ADAMTS12: variants seen among roughly 807,000 people sequenced by gnomAD.
The protein encoded by ADAMTS12 is ADAM metallopeptidase with thrombospondin type 1 motif 12, also known as A disintegrin and metalloproteinase with thrombospondin motifs 12.
ADAMTS12 carries 118 observed loss-of-function variants against 167.8 expected under a neutral mutation model. The observed-to-expected ratio is 0.70, with a 90% CI of 0.61 to 0.82. ADAMTS12 has a LOEUF of 0.82. Among genes scored for constraint, ADAMTS12 ranks in the 40% least tolerant of loss-of-function variants. ADAMTS12 has a pLI of 0.00. For synonymous variants in ADAMTS12, 704 were observed against 716.9 expected (o/e 0.98, Z 0.29); for missense variants, 1,916 against 1,998.8 (o/e 0.96, Z 0.79).
At chr5:33,669,642 G>C (rs935037029) in intron 5 of ADAMTS12, among the ~76,000 whole-genome samples, 1 of 151,894 alleles carries the variant, frequency 6.6e-6, no homozygotes, top group Non-Finnish European at 1.5e-5. Flanking sequence ...TTGAAGGCCA[G>C]AAGGTGTAGT....
intron 5 of ADAMTS12, among the ~76,000 whole-genome samples, chr5:33,667,317 CAAAA>C (rs5867201): frequency 5.1e-5 from 4 of 78,362 alleles, no homozygotes; most frequent in Non-Finnish European, 2.4e-5. Context: ...GACTCTGTCT[CAAAA>C]AAAAAAAAAA....
intron 19 of ADAMTS12, among the ~76,000 whole-genome samples, chr5:33,570,494 C>A (rs1305516830): frequency 6.6e-6 from 1 of 151,970 alleles, no homozygotes; most frequent in Non-Finnish European, 1.5e-5. Flanking sequence ...TCCAGCCAAA[C>A]TAAGCTTCAT....
At chr5:33,826,589 T>TAC (rs1480602268) in intron 2 of ADAMTS12, among the ~76,000 whole-genome samples, 8 of 30,028 alleles carry the variant, frequency 2.7e-4, no homozygotes, top group African/African-American at 6.6e-4. Flanking sequence ...TGTGTGTGTA[T>TAC]ATATATATAT....
rs185933088 is a variant in ADAMTS12, at chr5:33,831,625, C to T, written c.489+49494G>A. The stretch of plus-strand genomic sequence containing the variant: ...CCTCCTTCTAGATGATTCATTACTC[C>T]CCAAATCACATGATTGTAACAAGCT... On this transcript the variant is annotated intron_variant, in intron 2 of 23. Transcript: ENST00000504830. Among the ~76,000 whole-genome samples, 28 of 152,320 alleles carry T rather than the reference C, an allele frequency of 1.8e-4. No individual in the cohort carries two copies. The East Asian group carries it at 4.8e-3, about 26-fold the overall frequency.
intron 16 of ADAMTS12, among the ~76,000 whole-genome samples, chr5:33,605,765 T>C (rs1027307917): frequency 1.3e-5 from 2 of 151,212 alleles, no homozygotes; most frequent in Non-Finnish European, 2.9e-5. Flanking sequence ...AATAATTTTC[T>C]GGCACTGCTT....
At position 33,527,080 on chromosome 5, in the gene ADAMTS12, GA is replaced by G; in HGVS notation, c.*107del. 2 of 1,397,490 alleles carry G rather than the reference GA, an allele frequency of 1.4e-6. No homozygotes were observed. Among genetic ancestry groups the G allele is most frequent in the Non-Finnish European group, 2.0e-6 (2 of 1,017,454 alleles). The allele number at this position is 1,397,490 out of a possible 1,614,324, so 86.6% of individuals were successfully genotyped here. ...TTTTGTTTCATCATGACCCAAAGCT[GA>G]ATCTGAAATATATGAAGCAAAACCT... On this transcript the variant is annotated 3_prime_UTR_variant, in exon 24 of 24. Coordinates refer to ENST00000504830, the MANE Select transcript of ADAMTS12 (RefSeq NM_030955.4).
chr5:33,600,908 C>T lies in ADAMTS12; in HGVS notation c.2528-4848G>A, dbSNP rs180701858. ...GAAGTGTAGGAATTGTTTATCCGTC[C>T]GTCTCTCTTGTCAATGAGTCCATTC... On this transcript the variant is annotated intron_variant, in intron 16 of 23. Transcript: ENST00000504830. Among the ~76,000 whole-genome samples, 46 of 152,186 alleles carry T rather than the reference C, an allele frequency of 3.0e-4. 1 individual carries two copies. Among genetic ancestry groups the T allele is most frequent in the Admixed American group, 2.9e-3 (44 of 15,268 alleles).
In ADAMTS12 at chr5:33,890,627, G is replaced by A. The variant is rs376424775; in HGVS notation, c.127+1103C>T. On this transcript the variant is annotated intron_variant, in intron 1 of 23. Coordinates refer to ENST00000504830, the MANE Select transcript of ADAMTS12 (RefSeq NM_030955.4). Reference sequence around the variant, plus strand: ...CAGAAAGTCATGGAGGACACTTCCCGAGGCTTCAGCACAGTCAGCAAACAC... The same window carrying A: ...CAGAAAGTCATGGAGGACACTTCCCAAGGCTTCAGCACAGTCAGCAAACAC... Among the ~76,000 whole-genome samples the A allele has an allele frequency of 4.6e-5, 7 of 152,288 alleles. 1 individual carries two copies. Among genetic ancestry groups the A allele is most frequent in the African/African-American group, 1.4e-4 (6 of 41,562 alleles).
At chr5:33,705,302 T>TGTGTGCGC (rs1491430613) in intron 3 of ADAMTS12, among the ~76,000 whole-genome samples, 1 of 147,538 alleles carries the variant, frequency 6.8e-6, no homozygotes, top group African/African-American at 2.5e-5. Flanking sequence ...TGTGTGTGTG[T>TGTGTGCGC]GCGTGTATAC....
At chr5:33,544,348 A>G (rs1428359723) in intron 22 of ADAMTS12, among the ~76,000 whole-genome samples, 6 of 152,244 alleles carry the variant, frequency 3.9e-5, no homozygotes, top group Admixed American at 3.9e-4. Context: ...ACCACTGCTC[A>G]ATGAAATAAA....
chr5:33,730,004 C>T (rs1744126105), intron 3 of ADAMTS12, among the ~76,000 whole-genome samples: 1 of 152,138 alleles, frequency 6.6e-6, no homozygotes, highest in African/African-American at 2.4e-5. Flanking sequence ...CATTCTGGAG[C>T]TCCAAAAGTT....
chr5:33,829,155 C>CA (rs1296870104), intron 2 of ADAMTS12, among the ~76,000 whole-genome samples: 1 of 152,082 alleles, frequency 6.6e-6, no homozygotes, highest in Admixed American at 6.6e-5. Context: ...AGGCTACTTG[C>CA]ATGCCAATAA....
intron 2 of ADAMTS12, among the ~76,000 whole-genome samples, chr5:33,786,824 G>A (rs529408309): frequency 1.3e-5 from 2 of 152,290 alleles, no homozygotes; most frequent in African/African-American, 4.8e-5. Flanking sequence ...CCCTGTCAGT[G>A]CCAGACACTA....
At chr5:33,796,039 G>A (rs1746763699) in intron 2 of ADAMTS12, among the ~76,000 whole-genome samples, 1 of 152,198 alleles carries the variant, frequency 6.6e-6, no homozygotes, top group Non-Finnish European at 1.5e-5. Flanking sequence ...AAAGATGTGT[G>A]TGCAACAATG....
chr5:33,554,776 A>G (rs1185759115), intron 20 of ADAMTS12, among the ~76,000 whole-genome samples: 1 of 152,200 alleles, frequency 6.6e-6, no homozygotes, highest in African/African-American at 2.4e-5. Flanking sequence ...GCCATAGACA[A>G]TCTGTAAAAT....
At chr5:33,623,468 C>T (rs979859443) in intron 14 of ADAMTS12, among the ~76,000 whole-genome samples, 7 of 152,212 alleles carry the variant, frequency 4.6e-5, no homozygotes, top group Non-Finnish European at 7.3e-5. Context: ...TTCACCCTTT[C>T]TTAGCTGCCT....
chr5:33,723,361 C>A (rs992888670), intron 3 of ADAMTS12, among the ~76,000 whole-genome samples: 3 of 152,092 alleles, frequency 2.0e-5, no homozygotes, highest in African/African-American at 7.2e-5. Context: ...TCTCTAAGAC[C>A]TCAGTCATCC....
intron 14 of ADAMTS12, 77 bp downstream of exon 14, chr5:33,624,154 A>C: frequency 6.3e-7 from 1 of 1,584,752 alleles, no homozygotes; most frequent in Non-Finnish European, 8.6e-7. Flanking sequence ...AAAAACAAAA[A>C]CTAGGAACCA....
At chr5:33,800,245 C>T (rs1282039124) in intron 2 of ADAMTS12, among the ~76,000 whole-genome samples, 4 of 152,216 alleles carry the variant, frequency 2.6e-5, no homozygotes, top group Non-Finnish European at 4.4e-5. Context: ...ATACCAGTGT[C>T]GCAGGATTGC....
Sources: allele counts gnomAD v4.1 joint callset (sites outside exome capture counted in the v4.1 genomes callset), GRCh38; gene constraint gnomAD v4.1.1; transcripts MANE v1.5; gene names NCBI Gene and HGNC (gene_info 2026-07-23, HGNC 2026-07-21).